Variants in JPH3 observed in about 807,000 individuals in gnomAD.
JPH3 encodes junctophilin 3, also known as junctophilin-3.
JPH3 carries 11 observed loss-of-function variants against 59.6 expected under a neutral mutation model. The ratio of observed to expected loss-of-function variants is 0.18; its 90% CI spans 0.12 to 0.31. The LOEUF is 0.31. JPH3 is among the 10% of genes least tolerant of loss of function. JPH3 has a pLI of 1.00. For missense variants in JPH3, 1,202 were observed against 1,105.7 expected, an observed-to-expected ratio of 1.09 and a Z score of -1.24; for synonymous variants, 673 against 483.6, an observed-to-expected ratio of 1.39 and a Z score of -5.14.
chr16:87,639,484 G>A (rs975977806), intron 1 of JPH3, among the ~76,000 whole-genome samples: 4 of 152,128 alleles, frequency 2.6e-5, no homozygotes, highest in Non-Finnish European at 5.9e-5. Flanking sequence ...CACGTGTGCC[G>A]TTCTGTGGCA....
intron 1 of JPH3, among the ~76,000 whole-genome samples, chr16:87,630,034 G>A (rs1157923389): frequency 6.6e-6 from 1 of 152,194 alleles, no homozygotes; most frequent in East Asian, 1.9e-4. Flanking sequence ...GTGGAGAGTG[G>A]AAGAAGCAAA....
chr16:87,649,718 C>T (rs1597261861), intron 2 of JPH3, among the ~76,000 whole-genome samples: 1 of 152,184 alleles, frequency 6.6e-6, no homozygotes, highest in African/African-American at 2.4e-5. Flanking sequence ...CAGATTGTAG[C>T]CCGTTTCTCC....
chr16:87,688,795 G>A (rs534304314), intron 3 of JPH3, among the ~76,000 whole-genome samples: 10 of 152,308 alleles, frequency 6.6e-5, no homozygotes, highest in East Asian at 1.9e-4. Context: ...AAGAAGCGCC[G>A]CGTTCTTGGG....
Position 87,635,482 on chromosome 16 carries a change from C to T in JPH3, c.383-8776C>T, listed in dbSNP as rs948992053. On this transcript the variant is annotated intron_variant, in intron 1 of 4. Transcript: ENST00000284262. ...AGGCCGGCTGAGGGGCTGTGCTGGC[C>T]CAGGGCTCTGGCTTTCGGACCCAGA... 2.6e-5 allele frequency among the ~76,000 whole-genome samples: 4 copies of T among 152,264 alleles called. No homozygotes were observed. In the South Asian group the frequency reaches 6.2e-4, roughly 24 times the overall value.
intron 2 of JPH3, among the ~76,000 whole-genome samples, chr16:87,671,243 C>T (rs2033007884): frequency 1.3e-5 from 2 of 152,058 alleles, no homozygotes; most frequent in African/African-American, 2.4e-5. Flanking sequence ...CACCTGCCTG[C>T]CCCAGAGACC....
In JPH3 at chr16:87,691,091, C is replaced by CA. The variant is rs199585851; in HGVS notation, c.2166+565_2166+566insA. 9.3e-5 allele frequency among the ~76,000 whole-genome samples: 14 copies of CA among 150,048 alleles called. No individual in the cohort carries two copies. The South Asian group carries it at 2.7e-3, about 29-fold the overall frequency. Reference sequence around the variant, plus strand: ...CACCGTCAGCCTCACCCAGCACCCCCCCCCCAAATTCGTTCCTCCAGGGCA... The same window carrying CA: ...CACCGTCAGCCTCACCCAGCACCCCCACCCCCAAATTCGTTCCTCCAGGGCA... On this transcript the variant is annotated intron_variant, in intron 4 of 4. Transcript: ENST00000284262.
intron 2 of JPH3, among the ~76,000 whole-genome samples, chr16:87,669,015 G>A (rs758934756): frequency 6.6e-6 from 1 of 152,178 alleles, no homozygotes; most frequent in African/African-American, 2.4e-5. Context: ...GAGGCCTGTG[G>A]TAGCCCTGCC....
Position 87,696,626 on chromosome 16 carries a change from G to C in JPH3, c.2213G>C (p.Gly738Ala), listed in dbSNP as rs767929311. The change falls in exon 5 of 5, where the codon GGA becomes GCA. Residue 738 changes from glycine (G) to alanine (A), a missense_variant. Physicochemically the swap from Gly to Ala is moderately conservative, Grantham distance 60. Transcript: ENST00000284262. ...LVVMVILLNI[G>A]VAILFINFFI is the part of the protein sequence containing the mutation. Reference sequence around the variant, plus strand: ...GTCATGGTGATCTTGCTCAACATCGGAGTCGCCATTCTGTTTATTAACTTT... The same window carrying C: ...GTCATGGTGATCTTGCTCAACATCGCAGTCGCCATTCTGTTTATTAACTTT... 6.2e-6 allele frequency: 10 copies of C among 1,613,670 alleles called. No individual in the cohort carries two copies. The highest frequency in any genetic ancestry group is 7.6e-6 in the Non-Finnish European group (9 of 1,179,946).
At chr16:87,651,655 C>T (rs571039219) in intron 2 of JPH3, among the ~76,000 whole-genome samples, 5 of 152,358 alleles carry the variant, frequency 3.3e-5, no homozygotes, top group East Asian at 3.9e-4. Context: ...CGGAGCCTGC[C>T]GATGGGACTG....
In JPH3 at chr16:87,689,892, G is replaced by C; in HGVS notation, c.1532G>C (p.Arg511Pro). Residue 511 changes from arginine (R) to proline (P), a missense_variant, in exon 4 of 5, where the codon CGG becomes CCG. By Grantham distance (103) the Arg-to-Pro change is moderately radical. Coordinates refer to ENST00000284262, the MANE Select transcript of JPH3 (RefSeq NM_020655.4). ...AGGCAGGTGTCGGTGGACGAGGAGCGGGGCGGGGACATCCAGATGCTCCTG... is the reference window on the plus strand; with the variant it reads ...AGGCAGGTGTCGGTGGACGAGGAGCCGGGCGGGGACATCCAGATGCTCCTG... ...FSRQVSVDEE[R>P]GGDIQMLLEG... The C allele has an allele frequency of 6.8e-7, 1 of 1,472,026 alleles. No homozygotes were observed. Among genetic ancestry groups the C allele is most frequent in the Non-Finnish European group, 9.0e-7 (1 of 1,112,246 alleles). 91.2% of individuals were successfully genotyped at this position (1,472,026 alleles called of 1,614,324 possible).
In JPH3 at chr16:87,602,702, C is replaced by G. The variant is rs2030283559; in HGVS notation, c.-445C>G. ...GGCCCCGCCGCCGCCCTCGGGCGCCCGCAGCGCGGCAGCCGCAGGTGGGGG... is the reference window on the plus strand; with the variant it reads ...GGCCCCGCCGCCGCCCTCGGGCGCCGGCAGCGCGGCAGCCGCAGGTGGGGG... On this transcript the variant is annotated 5_prime_UTR_variant, in exon 1 of 5. Transcript: ENST00000284262. Among the ~76,000 whole-genome samples, 1 of 139,752 alleles carries G rather than the reference C, an allele frequency of 7.2e-6. No homozygotes were observed. The highest frequency in any genetic ancestry group is 2.2e-4 in the South Asian group (1 of 4,570). The allele number at this position is 139,752 out of a possible 152,430, so 91.7% of individuals were successfully genotyped here.
At chr16:87,607,468 A>G (rs150929426) in intron 1 of JPH3, among the ~76,000 whole-genome samples, 2,001 of 152,120 alleles carry the variant, frequency 0.013, 43 homozygotes, top group African/African-American at 0.046. Flanking sequence ...CGCACAAAAC[A>G]CCTGCCACCC....
intron 2 of JPH3, among the ~76,000 whole-genome samples, chr16:87,682,218 GT>G (rs61017065): frequency 6.6e-6 from 1 of 152,012 alleles, no homozygotes; most frequent in Non-Finnish European, 1.5e-5. Context: ...AATGTCATAG[GT>G]TTTTTTTCTT....
chr16:87,621,922 C>T (rs562312672), intron 1 of JPH3, among the ~76,000 whole-genome samples: 7 of 152,260 alleles, frequency 4.6e-5, no homozygotes, highest in East Asian at 1.9e-4. Context: ...AAGAAGCAGC[C>T]GCCCCTCCCC....
intron 1 of JPH3, among the ~76,000 whole-genome samples, chr16:87,635,115 G>A (rs1043387233): frequency 2.6e-5 from 4 of 152,206 alleles, no homozygotes; most frequent in African/African-American, 9.7e-5. Context: ...GGCCGCACAT[G>A]AGTGAGTGTC....
At chr16:87,640,545 C>T (rs115804230) in intron 1 of JPH3, among the ~76,000 whole-genome samples, 98 of 151,842 alleles carry the variant, frequency 6.5e-4, no homozygotes, top group African/African-American at 1.3e-3. Context: ...CACCCATCAC[C>T]ATGCCTAGCT....
At chr16:87,674,688 G>T (rs1458023297) in intron 2 of JPH3, among the ~76,000 whole-genome samples, 1 of 152,174 alleles carries the variant, frequency 6.6e-6, no homozygotes, top group African/African-American at 2.4e-5. Context: ...GGGTTTGAAG[G>T]AGGAGTTTTA....
At chr16:87,686,045 G>A (rs75950149) in intron 3 of JPH3, among the ~76,000 whole-genome samples, 11,829 of 152,272 alleles carry the variant, frequency 0.078, 650 homozygotes, top group Admixed American at 0.18. Flanking sequence ...TGATGTCAGA[G>A]ATCACTGGAG....
chr16:87,673,581 C>T (rs2033071274), intron 2 of JPH3, among the ~76,000 whole-genome samples: 1 of 152,218 alleles, frequency 6.6e-6, no homozygotes, highest in Non-Finnish European at 1.5e-5. Flanking sequence ...ACATGGAAGA[C>T]AGCCTTCATG....
Sources: gnomAD v4.1 joint callset for allele counts (sites outside exome capture counted in the v4.1 genomes callset) on GRCh38, gnomAD v4.1.1 for gene constraint, MANE v1.5 for transcripts, NCBI Gene and HGNC (gene_info 2026-07-23, HGNC 2026-07-21) for gene names.